Variants in NCALD observed in about 807,000 individuals in gnomAD.
NCALD encodes neurocalcin-delta.
NCALD carries 10 observed loss-of-function variants against 18.6 expected under a neutral mutation model. The observed-to-expected ratio is 0.54, with a 90% CI of 0.33 to 0.91. The LOEUF is 0.91. NCALD is among the 40% of genes least tolerant of loss of function. The probability of loss-of-function intolerance (pLI) is 0.03; values close to 1 mark genes in which losing one functional copy is unlikely to be tolerated. For synonymous variants in NCALD, 88 were observed against 87.4 expected (o/e 1.01, Z -0.04); for missense variants, 184 against 247.6 (o/e 0.74, Z 1.72).
chr8:101,741,651 G>A (rs1206472292), intron 1 of NCALD, among the ~76,000 whole-genome samples: 1 of 151,250 alleles, frequency 6.6e-6, no homozygotes, highest in Non-Finnish European at 1.5e-5. Flanking sequence ...AAAAAGGAGG[G>A]GCTAGGTATG....
intron 3 of NCALD, chr8:101,691,880 G>A: frequency 1.0e-6 from 1 of 985,396 alleles, no homozygotes; most frequent in Non-Finnish European, 1.2e-6. Flanking sequence ...GAATTGCCGA[G>A]GCCTCTGAAC....
chr8:102,060,289 T>C (rs1214569175), intron 1 of NCALD, among the ~76,000 whole-genome samples: 1 of 152,204 alleles, frequency 6.6e-6, no homozygotes, highest in Non-Finnish European at 1.5e-5. Flanking sequence ...CCTGAAGTTG[T>C]ATTTCTGACA....
intron 1 of NCALD, among the ~76,000 whole-genome samples, chr8:102,049,488 G>A (rs1563573689): frequency 6.6e-6 from 1 of 152,188 alleles, no homozygotes; most frequent in Non-Finnish European, 1.5e-5. Flanking sequence ...TATAAGCAAC[G>A]TTGCTGTAAA....
At chr8:102,008,822 G>C (rs977541641) in intron 2 of NCALD, among the ~76,000 whole-genome samples, 1 of 151,718 alleles carries the variant, frequency 6.6e-6, no homozygotes, top group Non-Finnish European at 1.5e-5. Context: ...AGGGCCCCTA[G>C]GCCACATAAA....
chr8:102,121,378 G>A (rs553355967), intron 1 of NCALD, among the ~76,000 whole-genome samples: 1 of 152,258 alleles, frequency 6.6e-6, no homozygotes, highest in African/African-American at 2.4e-5. Flanking sequence ...TGGGACCCCA[G>A]GAGTTGGAGA....
At chr8:101,836,159 G>T (rs1028860454) in intron 4 of NCALD, among the ~76,000 whole-genome samples, 4 of 152,142 alleles carry the variant, frequency 2.6e-5, no homozygotes, top group African/African-American at 9.7e-5. Flanking sequence ...ACAAGAAGGA[G>T]ATAAAGACAG....
chr8:101,828,605 C>T (rs1356149125), intron 4 of NCALD, among the ~76,000 whole-genome samples: 2 of 147,532 alleles, frequency 1.4e-5, no homozygotes, highest in African/African-American at 2.5e-5. Flanking sequence ...ACTTATATAA[C>T]TCATTTTTTT....
At chr8:101,845,924 G>A (rs539610975) in intron 4 of NCALD, among the ~76,000 whole-genome samples, 2 of 152,286 alleles carry the variant, frequency 1.3e-5, no homozygotes, top group South Asian at 2.1e-4. Flanking sequence ...ATAGGAGGGA[G>A]TATCTGTGAT....
intron 4 of NCALD, among the ~76,000 whole-genome samples, chr8:101,806,941 C>T (rs1813124629): frequency 6.6e-6 from 1 of 150,844 alleles, no homozygotes; most frequent in Admixed American, 6.6e-5. Flanking sequence ...TGTAAGGAAA[C>T]CTTAATAAGA....
intron 2 of NCALD, among the ~76,000 whole-genome samples, chr8:101,987,987 T>C (rs930931782): frequency 6.6e-6 from 1 of 151,896 alleles, no homozygotes; most frequent in Non-Finnish European, 1.5e-5. Flanking sequence ...ACCCCGTCTC[T>C]ACTAAAAACA....
chr8:101,963,952 C>T (rs1819929465), intron 2 of NCALD, among the ~76,000 whole-genome samples: 1 of 152,110 alleles, frequency 6.6e-6, no homozygotes, highest in Non-Finnish European at 1.5e-5. Flanking sequence ...AATGACCAGC[C>T]TCTTATACTT....
intron 1 of NCALD, among the ~76,000 whole-genome samples, chr8:101,779,008 A>G (rs1450198384): frequency 6.6e-6 from 1 of 152,184 alleles, no homozygotes; most frequent in Non-Finnish European, 1.5e-5. Context: ...AATCAAAATC[A>G]AAATGGCAGC....
intron 2 of NCALD, among the ~76,000 whole-genome samples, chr8:102,019,899 G>A (rs935417931): frequency 8.6e-5 from 13 of 151,914 alleles, no homozygotes; most frequent in African/African-American, 2.9e-4. Flanking sequence ...TAGCAAACTA[G>A]GAATAGAAGA....
At chr8:101,916,725 A>G (rs368072558) in intron 2 of NCALD, among the ~76,000 whole-genome samples, 5 of 152,168 alleles carry the variant, frequency 3.3e-5, no homozygotes, top group African/African-American at 1.2e-4. Context: ...GATAAAACAG[A>G]TTTTTAACAC....
At chr8:101,988,175 A>AAG in intron 2 of NCALD, among the ~76,000 whole-genome samples, 1 of 149,624 alleles carries the variant, frequency 6.7e-6, no homozygotes, top group South Asian at 2.1e-4. Context: ...AAAGAAAAAA[A>AAG]AAAAGAAAAG....
intron 1 of NCALD, among the ~76,000 whole-genome samples, chr8:101,729,943 C>A (rs1396844395): frequency 1.3e-5 from 2 of 152,100 alleles, no homozygotes; most frequent in Non-Finnish European, 2.9e-5. Flanking sequence ...TATGGAAATA[C>A]CATTTTTTGT....
chr8:101,805,110 G>T (rs1322682668), intron 4 of NCALD, among the ~76,000 whole-genome samples: 2 of 152,088 alleles, frequency 1.3e-5, no homozygotes, highest in Non-Finnish European at 2.9e-5. Context: ...TATATATAAA[G>T]TCCCTAATAA....
chr8:102,009,074 C>G (rs1821815600), intron 2 of NCALD, among the ~76,000 whole-genome samples: 1 of 152,208 alleles, frequency 6.6e-6, no homozygotes, highest in African/African-American at 2.4e-5. Flanking sequence ...ATATCTGTCT[C>G]TCTGCCTCAC....
At chr8:102,107,151 T>C (rs559279913) in intron 1 of NCALD, among the ~76,000 whole-genome samples, 7 of 146,636 alleles carry the variant, frequency 4.8e-5, no homozygotes, top group Non-Finnish European at 1.0e-4. Flanking sequence ...AAAGAAACTT[T>C]TTAATTTAAA....
Sources: gnomAD v4.1 joint callset for allele counts (sites outside exome capture counted in the v4.1 genomes callset) on GRCh38, gnomAD v4.1.1 for gene constraint, MANE v1.5 for transcripts, NCBI Gene and HGNC (gene_info 2026-07-23, HGNC 2026-07-21) for gene names.